MAGI1: variants seen among roughly 807,000 people sequenced by gnomAD.
The protein encoded by MAGI1 is membrane associated guanylate kinase, WW and PDZ domain containing 1, also known as membrane-associated guanylate kinase, WW and PDZ domain-containing protein 1.
Under a neutral mutation model 139.9 loss-of-function variants are expected in MAGI1, and 58 were observed. The observed-to-expected ratio is 0.41, with a 90% CI of 0.34 to 0.52. MAGI1 has a LOEUF of 0.52. Among genes scored for constraint, MAGI1 ranks in the 20% least tolerant of loss-of-function variants. The probability of loss-of-function intolerance (pLI) is 0.12; values close to 1 mark genes in which losing one functional copy is unlikely to be tolerated. For synonymous variants in MAGI1, 812 were observed against 737.9 expected (o/e 1.10, Z -1.63); for missense variants, 1,874 against 1,901.6 (o/e 0.99, Z 0.27).
chr3:65,747,909 G>C (rs1042271527), intron 1 of MAGI1, among the ~76,000 whole-genome samples: 7 of 152,224 alleles, frequency 4.6e-5, no homozygotes, highest in Non-Finnish European at 7.3e-5. Context: ...CAGCGGGCGA[G>C]GCAGGGGTGG....
At chr3:65,974,595 T>G (rs1055561765) in intron 1 of MAGI1, among the ~76,000 whole-genome samples, 11 of 152,168 alleles carry the variant, frequency 7.2e-5, no homozygotes, top group Admixed American at 6.5e-5. Context: ...TGGTTCTGGC[T>G]CAACATCTCT....
chr3:65,574,482 A>T (rs1461672891), intron 2 of MAGI1, among the ~76,000 whole-genome samples: 1 of 151,542 alleles, frequency 6.6e-6, no homozygotes, highest in Non-Finnish European at 1.5e-5. Flanking sequence ...GAGAAATTTT[A>T]AAATCTACCC....
At chr3:65,605,268 T>G (rs1021646671) in intron 2 of MAGI1, among the ~76,000 whole-genome samples, 1 of 152,258 alleles carries the variant, frequency 6.6e-6, no homozygotes, top group Non-Finnish European at 1.5e-5. Flanking sequence ...TTTTGTGTTG[T>G]GACTCTTGCT....
At chr3:65,842,139 A>G (rs931558308) in intron 1 of MAGI1, among the ~76,000 whole-genome samples, 7 of 152,192 alleles carry the variant, frequency 4.6e-5, no homozygotes, top group African/African-American at 1.7e-4. Context: ...ACAGATGTCA[A>G]TGCTCTGAGT....
chr3:65,729,127 G>A (rs1043522651), intron 1 of MAGI1, among the ~76,000 whole-genome samples: 3 of 67,282 alleles, frequency 4.5e-5, no homozygotes, highest in East Asian at 5.7e-4. Flanking sequence ...GAACGGGGGG[G>A]GGGGGGGGGA....
intron 2 of MAGI1, among the ~76,000 whole-genome samples, chr3:65,533,149 G>A (rs536472477): frequency 2.0e-5 from 3 of 152,296 alleles, no homozygotes; most frequent in Admixed American, 6.5e-5. Context: ...CTTATGGTAT[G>A]TTGAATGACC....
intron 2 of MAGI1, among the ~76,000 whole-genome samples, chr3:65,568,623 G>C (rs2080792904): frequency 6.6e-6 from 1 of 152,200 alleles, no homozygotes; most frequent in Non-Finnish European, 1.5e-5. Context: ...TTCTACACCT[G>C]TTTAGCGCCT....
chr3:65,992,460 G>C (rs2066232941), intron 1 of MAGI1, among the ~76,000 whole-genome samples: 5 of 151,830 alleles, frequency 3.3e-5, no homozygotes, highest in Admixed American at 1.3e-4. Context: ...AAAAAACAGT[G>C]AACTGTGGTA....
intron 1 of MAGI1, among the ~76,000 whole-genome samples, chr3:65,839,496 C>A (rs1212231885): frequency 6.6e-6 from 1 of 152,054 alleles, no homozygotes; most frequent in African/African-American, 2.4e-5. Context: ...ATGACCGCTC[C>A]ATGAGTGACA....
intron 1 of MAGI1, among the ~76,000 whole-genome samples, chr3:65,967,474 A>T (rs4688615): frequency 0.98 from 149,586 of 152,162 alleles, 73,595 homozygotes; most frequent in East Asian, 1. Context: ...CCAAAAAGTA[A>T]CCCAGTTAAA....
intron 1 of MAGI1, among the ~76,000 whole-genome samples, chr3:65,763,992 A>T (rs901334127): frequency 6.7e-6 from 1 of 149,542 alleles, no homozygotes; most frequent in African/African-American, 2.5e-5. Flanking sequence ...GGATCACTTT[A>T]CCCTCGGAGG....
At position 65,427,071 on chromosome 3, in the gene MAGI1, C is replaced by T. The variant is rs4635644; in HGVS notation, c.2167+2449G>A. Among the ~76,000 whole-genome samples, 670 of 152,158 alleles carry T rather than the reference C, an allele frequency of 4.4e-3. 29 individuals are homozygous for T. The East Asian group carries it at 0.11, about 25-fold the overall frequency. On this transcript the variant is annotated intron_variant, in intron 12 of 22. Transcript: ENST00000402939. Reference sequence around the variant, plus strand: ...GCTCATGCCTGTAATCCTAGCACTTCGGGAGGCCGAGGCAGGTGGATCCCT... The same window carrying T: ...GCTCATGCCTGTAATCCTAGCACTTTGGGAGGCCGAGGCAGGTGGATCCCT...
intron 1 of MAGI1, among the ~76,000 whole-genome samples, chr3:65,991,127 A>G (rs2066148380): frequency 6.6e-6 from 1 of 152,000 alleles, no homozygotes; most frequent in Non-Finnish European, 1.5e-5. Flanking sequence ...CATTTCTACT[A>G]AAAATGCAAA....
In MAGI1 at chr3:65,626,517, TCTCA is replaced by T. The variant is rs374688015; in HGVS notation, c.314-4433_314-4430del. Among the ~76,000 whole-genome samples the T allele has an allele frequency of 5.6e-4, 85 of 152,220 alleles. No homozygotes were observed. In the South Asian group the frequency reaches 0.017, roughly 31 times the overall value. Reference sequence around the variant, plus strand: ...TTTTTAAATTTTTGTAGATACAGGTTCTCACTATGTTGCCTAGGCTGGTCTTGAA... The same window carrying T: ...TTTTTAAATTTTTGTAGATACAGGTTCTATGTTGCCTAGGCTGGTCTTGAA... On this transcript the variant is annotated intron_variant, in intron 1 of 22. Coordinates refer to ENST00000402939, the MANE Select transcript of MAGI1 (RefSeq NM_001033057.2).
chr3:65,359,061 A>G, intron 22 of MAGI1: 2 of 1,613,508 alleles, frequency 1.2e-6, no homozygotes, highest in Non-Finnish European at 1.7e-6. Flanking sequence ...TTGAGCTACA[A>G]ACCGTAGTTT....
At chr3:65,484,320 T>G (rs986879614) in intron 3 of MAGI1, among the ~76,000 whole-genome samples, 11 of 151,960 alleles carry the variant, frequency 7.2e-5, no homozygotes, top group Admixed American at 1.3e-4. Flanking sequence ...GGGGTGGGAA[T>G]TGGGGGTACT....
At chr3:65,695,917 A>G (rs6804519) in intron 1 of MAGI1, among the ~76,000 whole-genome samples, 72,672 of 151,862 alleles carry the variant, frequency 0.48, 18,504 homozygotes, top group African/African-American at 0.67. Flanking sequence ...ACATCACCTA[A>G]GATACTTTCC....
At chr3:65,469,450 A>C (rs1950411471) in intron 5 of MAGI1, among the ~76,000 whole-genome samples, 1 of 151,878 alleles carries the variant, frequency 6.6e-6, no homozygotes, top group African/African-American at 2.4e-5. Context: ...AAACCACATT[A>C]TCTTAGATTT....
intron 1 of MAGI1, among the ~76,000 whole-genome samples, chr3:65,841,842 G>A (rs1289085274): frequency 6.6e-6 from 1 of 152,062 alleles, no homozygotes; most frequent in Non-Finnish European, 1.5e-5. Context: ...CTTAGCATCA[G>A]GTCCCGAAAT....
Sources: allele counts gnomAD v4.1 joint callset (sites outside exome capture counted in the v4.1 genomes callset), GRCh38; gene constraint gnomAD v4.1.1; transcripts MANE v1.5; gene names NCBI Gene and HGNC (gene_info 2026-07-23, HGNC 2026-07-21).